The following ZNF157 variants were observed in gnomAD, a reference collection of about 807,000 sequenced individuals.
ZNF157 encodes the protein zinc finger protein 157, also known as zinc finger protein 22.
In ZNF157, 8 loss-of-function variants were observed where a neutral mutation model predicts 9.4. The observed-to-expected ratio is 0.85, with a 90% CI of 0.50 to 1.53. ZNF157 has a LOEUF of 1.53. Ranked by LOEUF, ZNF157 falls within the 40% of genes most tolerant of loss-of-function variation. The probability of loss-of-function intolerance (pLI) is 0.00; values close to 1 mark genes in which losing one functional copy is unlikely to be tolerated. For synonymous variants in ZNF157, 120 were observed against 130.8 expected, an observed-to-expected ratio of 0.92 and a Z score of 0.56; for missense variants, 316 against 385.2, an observed-to-expected ratio of 0.82 and a Z score of 1.50.
intron 1 of ZNF157, among the ~76,000 whole-genome samples, chrX:47,409,289 C>T (rs925515318): frequency 1.5e-4 from 17 of 112,091 alleles, no homozygotes; most frequent in Non-Finnish European, 5.6e-5. Context: ...TACTGTCTCC[C>T]TTTCTCCCAC....
chrX:47,403,552 C>T (rs756259175), intron 1 of ZNF157, among the ~76,000 whole-genome samples: 124 of 110,539 alleles, frequency 1.1e-3, no homozygotes, highest in African/African-American at 3.9e-3. Context: ...TTAGGCTTGT[C>T]TCGAACTCCT....
chrX:47,394,779 C>T lies in ZNF157; in HGVS notation c.73-15497C>T, dbSNP rs1251079650. 2.7e-5 allele frequency among the ~76,000 whole-genome samples: 3 copies of T among 111,003 alleles called. No individual in the cohort carries two copies. The Admixed American group carries it at 2.9e-4, about 11-fold the overall frequency. ...GAAGCTTTCTTAGTTGTGTTACTTC[C>T]TCCTTCTGAGCCCTCCTCAGCAGTG... is the stretch of plus-strand genomic sequence containing the variant. On this transcript the variant is annotated intron_variant, in intron 1 of 3. Transcript: ENST00000377073.
intron 1 of ZNF157, among the ~76,000 whole-genome samples, chrX:47,372,875 G>A (rs986937535): frequency 9.1e-6 from 1 of 110,414 alleles, no homozygotes; most frequent in Non-Finnish European, 1.9e-5. Flanking sequence ...AGACCAGCCT[G>A]GGCAACAAAG....
At position 47,413,457 on chromosome X, in the gene ZNF157, C is replaced by T. The variant is rs771705390; in HGVS notation, c.1384C>T (p.Arg462Ter). 44 of 1,202,307 alleles carry T rather than the reference C, an allele frequency of 3.7e-5. No homozygotes were observed. In the Admixed American group the frequency reaches 7.4e-4, roughly 20 times the overall value. Residue 462 changes from arginine to a stop codon, truncating the protein, a stop_gained, in exon 4 of 4, where the codon CGA becomes TGA. Coordinates refer to ENST00000377073, the MANE Select transcript of ZNF157 (RefSeq NM_003446.4). LOFTEE classifies it low-confidence loss of function (END_TRUNC). ...YVKVRLIEHQ[R>*]IHTGERPFEC... The stretch of plus-strand genomic sequence containing the variant: ...GAAAGTACGCCTCATTGAACATCAG[C>T]GAATTCACACAGGAGAGAGACCCTT...
chrX:47,387,886 C>CAAAAAAAAAAA (rs781763726), intron 1 of ZNF157, among the ~76,000 whole-genome samples: 1 of 34,537 alleles, frequency 2.9e-5, no homozygotes, highest in Non-Finnish European at 4.6e-5. Context: ...GACTCTGTCT[C>CAAAAAAAAAAA]AAAAAAAAAA....
chrX:47,401,625 G>A lies in ZNF157; in HGVS notation c.73-8651G>A, dbSNP rs770091531. On this transcript the variant is annotated intron_variant, in intron 1 of 3. Transcript: ENST00000377073. The stretch of plus-strand genomic sequence containing the variant: ...AATGTTAGGGGTGGATCCTGCCCAG[G>A]TTATTCCTAAGAATTTCACCATTTG... 2.7e-5 allele frequency among the ~76,000 whole-genome samples: 3 copies of A among 111,836 alleles called. No homozygotes were observed. The Admixed American group carries it at 2.9e-4, about 11-fold the overall frequency.
At chrX:47,383,058 A>C (rs781401410) in intron 1 of ZNF157, among the ~76,000 whole-genome samples, 10 of 110,416 alleles carry the variant, frequency 9.1e-5, no homozygotes, top group Admixed American at 9.8e-5. Context: ...AGCAAAGTGG[A>C]AATCTCTCAG....
intron 1 of ZNF157, among the ~76,000 whole-genome samples, chrX:47,376,448 C>G (rs2055845212): frequency 9.0e-6 from 1 of 111,300 alleles, no homozygotes; most frequent in Non-Finnish European, 1.9e-5. Flanking sequence ...AATCCCGTCT[C>G]TACTATAAAT....
intron 1 of ZNF157, among the ~76,000 whole-genome samples, chrX:47,397,969 A>C (rs1314514875): frequency 3.6e-5 from 4 of 110,548 alleles, no homozygotes. Flanking sequence ...ACTAGGGGTA[A>C]TAGTGAGTAG....
Position 47,410,340 on chromosome X carries a change from C to G in ZNF157, c.137C>G (p.Pro46Arg), listed in dbSNP as rs749059018. The change falls in exon 2 of 4, where the codon CCT (proline) becomes CGT (arginine). Residue 46 changes from proline (P) to arginine (R), a missense_variant. This residue lies in a region of ZNF157 where 146 missense variants were observed against 183.8 expected (regional missense o/e 0.79). Transcript: ENST00000377073. ...CGACAGGAGTGGCACAGACTGGACC[C>G]TGCTCAGAGGACCATGCACAAGGAT... ...FTRQEWHRLD[P>R]AQRTMHKDVM... 3.1e-5 allele frequency: 38 copies of G among 1,209,504 alleles called. No homozygotes were observed. The African/African-American group carries it at 5.6e-4, about 18-fold the overall frequency.
chrX:47,386,469 GT>G (rs917451793), intron 1 of ZNF157, among the ~76,000 whole-genome samples: 5 of 108,939 alleles, frequency 4.6e-5, no homozygotes, highest in African/African-American at 1.7e-4. Flanking sequence ...GACTTTTTTT[GT>G]TTTTTTTTGA....
intron 1 of ZNF157, among the ~76,000 whole-genome samples, chrX:47,407,653 C>T (rs2055951103): frequency 9.0e-6 from 1 of 111,419 alleles, no homozygotes; most frequent in Non-Finnish European, 1.9e-5. Flanking sequence ...ATTTTAATGT[C>T]GTTAGAGGTA....
chrX:47,381,689 A>G (rs1017681813), intron 1 of ZNF157, among the ~76,000 whole-genome samples: 3 of 111,737 alleles, frequency 2.7e-5, no homozygotes, highest in Admixed American at 1.9e-4. Flanking sequence ...TGATAGGGGT[A>G]GTATGTTTGA....
intron 1 of ZNF157, among the ~76,000 whole-genome samples, chrX:47,397,445 T>C (rs1272670926): frequency 9.3e-6 from 1 of 107,252 alleles, no homozygotes; most frequent in East Asian, 2.9e-4. Flanking sequence ...AGATGGAGTC[T>C]TGTTGTCACC....
chrX:47,401,431 C>T (rs1301986705), intron 1 of ZNF157, among the ~76,000 whole-genome samples: 1 of 112,130 alleles, frequency 8.9e-6, no homozygotes, highest in South Asian at 3.7e-4. Context: ...ACATAGCCTG[C>T]GTAAATATGG....
At chrX:47,406,530 C>T (rs2055947745) in intron 1 of ZNF157, among the ~76,000 whole-genome samples, 1 of 110,893 alleles carries the variant, frequency 9.0e-6, no homozygotes, top group African/African-American at 3.3e-5. Context: ...CGCACCACTA[C>T]ACCTGGCTAA....
Position 47,404,254 on chromosome X carries a change from C to T in ZNF157, c.73-6022C>T. ...GATATCGGCTCACTGCAACCTCCAT[C>T]TCTCAGGTTCAATCGATTCTGCCCC... On this transcript the variant is annotated intron_variant, in intron 1 of 3. Coordinates refer to ENST00000377073, the MANE Select transcript of ZNF157 (RefSeq NM_003446.4). 2.7e-5 allele frequency among the ~76,000 whole-genome samples: 3 copies of T among 109,809 alleles called. No homozygotes were observed. The Middle Eastern group carries it at 0.014, about 506-fold the overall frequency.
chrX:47,383,964 G>A (rs887369888), intron 1 of ZNF157, among the ~76,000 whole-genome samples: 4 of 110,377 alleles, frequency 3.6e-5, no homozygotes, highest in African/African-American at 1.3e-4. Flanking sequence ...GGTGAAAATT[G>A]GAATGTGTTT....
At chrX:47,389,350 ATT>A (rs763942145) in intron 1 of ZNF157, among the ~76,000 whole-genome samples, 1 of 96,371 alleles carries the variant, frequency 1.0e-5, no homozygotes, top group African/African-American at 3.7e-5. Context: ...GGAGCCATTA[ATT>A]TTTTTTTTTT....
Sources: allele counts gnomAD v4.1 joint callset (sites outside exome capture counted in the v4.1 genomes callset), GRCh38; gene constraint gnomAD v4.1.1; regional missense constraint gnomAD v4.1.1; transcripts MANE v1.5; gene names NCBI Gene and HGNC (gene_info 2026-07-23, HGNC 2026-07-21).